The following SDK1 variants were observed in gnomAD, a reference collection of about 807,000 sequenced individuals.
The protein encoded by SDK1 is sidekick cell adhesion molecule 1, also known as protein sidekick-1.
In SDK1, 157 loss-of-function variants were observed where a neutral mutation model predicts 245.5. The ratio of observed to expected loss-of-function variants is 0.64; its 90% CI spans 0.56 to 0.73. SDK1 has a LOEUF of 0.73. Among genes scored for constraint, SDK1 ranks in the 30% least tolerant of loss-of-function variants. The pLI, the probability that SDK1 is intolerant of heterozygous loss-of-function variation, is 0.00. For missense variants in SDK1, 3,583 were observed against 3,002.3 expected (o/e 1.19, Z -4.52); for synonymous variants, 1,647 against 1,278.5 (o/e 1.29, Z -6.15).
Position 3,876,782 on chromosome 7 carries a change from C to G in SDK1, c.847+55199C>G, listed in dbSNP as rs1399876152. On this transcript the variant is annotated intron_variant, in intron 5 of 44. Transcript: ENST00000404826. ...GTGACCAGGCTTCCATGTGAAGTCT[C>G]TAGAGCTAAGGTAGGAGATACTAGT... Among the ~76,000 whole-genome samples, 2 of 152,130 alleles carry G rather than the reference C, an allele frequency of 1.3e-5. 1 individual carries two copies. The highest frequency in any genetic ancestry group is 4.1e-4 in the South Asian group (2 of 4,828).
chr7:4,217,727 T>C (rs1016340181), intron 38 of SDK1, among the ~76,000 whole-genome samples: 2 of 152,204 alleles, frequency 1.3e-5, no homozygotes, highest in Non-Finnish European at 2.9e-5. Flanking sequence ...AAAATGTTTT[T>C]AATGGTGGTG....
intron 5 of SDK1, among the ~76,000 whole-genome samples, chr7:3,909,522 C>A (rs1292199401): frequency 6.6e-6 from 1 of 152,194 alleles, no homozygotes; most frequent in East Asian, 1.9e-4. Flanking sequence ...TGATCCCTAC[C>A]TCTCCCAAAG....
chr7:3,387,212 C>T (rs1781632043), intron 1 of SDK1, among the ~76,000 whole-genome samples: 1 of 152,132 alleles, frequency 6.6e-6, no homozygotes, highest in South Asian at 2.1e-4. Flanking sequence ...TAGGGATTGC[C>T]TACTGAGGTT....
chr7:3,727,346 T>C (rs562465939), intron 4 of SDK1, among the ~76,000 whole-genome samples: 3 of 152,334 alleles, frequency 2.0e-5, no homozygotes, highest in South Asian at 4.1e-4. Context: ...TTTCATTCCA[T>C]TGCTCTGTAT....
At chr7:3,392,782 T>C (rs1035868485) in intron 1 of SDK1, among the ~76,000 whole-genome samples, 1 of 152,108 alleles carries the variant, frequency 6.6e-6, no homozygotes, top group Non-Finnish European at 1.5e-5. Flanking sequence ...TTATAGCATG[T>C]AACAGAACTT....
At chr7:3,803,326 T>G (rs949625844) in intron 4 of SDK1, among the ~76,000 whole-genome samples, 2 of 151,236 alleles carry the variant, frequency 1.3e-5, no homozygotes, top group African/African-American at 4.8e-5. Flanking sequence ...TTTTTTTTTT[T>G]TGGAAACAAA....
intron 44 of SDK1, among the ~76,000 whole-genome samples, chr7:4,255,283 A>G (rs1289803705): frequency 6.6e-6 from 1 of 152,216 alleles, no homozygotes; most frequent in Non-Finnish European, 1.5e-5. Flanking sequence ...TTCCAAATAA[A>G]GTCATTTTCC....
At chr7:3,761,632 C>G (rs913361312) in intron 4 of SDK1, among the ~76,000 whole-genome samples, 1 of 150,740 alleles carries the variant, frequency 6.6e-6, no homozygotes, top group African/African-American at 2.4e-5. Context: ...TAGGAAGAAG[C>G]AAAGGCAGAA....
chr7:3,309,542 T>TTTA (rs1554256117), intron 1 of SDK1, among the ~76,000 whole-genome samples: 3 of 148,656 alleles, frequency 2.0e-5, no homozygotes, highest in African/African-American at 4.9e-5. Context: ...TTTTTTTTTT[T>TTTA]ACATGAGTGT....
chr7:4,217,943 T>C (rs1363281636), intron 38 of SDK1, among the ~76,000 whole-genome samples: 1 of 152,152 alleles, frequency 6.6e-6, no homozygotes, highest in Non-Finnish European at 1.5e-5. Context: ...AAAAAGTTGC[T>C]CTCTAGAATC....
chr7:3,507,301 C>T (rs1488218642), intron 1 of SDK1, among the ~76,000 whole-genome samples: 1 of 152,170 alleles, frequency 6.6e-6, no homozygotes, highest in Non-Finnish European at 1.5e-5. Flanking sequence ...CCAAGGGGAC[C>T]TGTATGCGGA....
chr7:3,416,130 T>A (rs186901746), intron 1 of SDK1, among the ~76,000 whole-genome samples: 72 of 152,342 alleles, frequency 4.7e-4, no homozygotes, highest in Middle Eastern at 3.4e-3. Context: ...CTCAGTAGAT[T>A]TTATCTTCAT....
intron 1 of SDK1, among the ~76,000 whole-genome samples, chr7:3,456,189 A>T (rs4719943): frequency 6.6e-5 from 10 of 152,000 alleles, no homozygotes; most frequent in African/African-American, 1.4e-4. Context: ...TTGTCTTGCT[A>T]TGTTTTTCCT....
chr7:3,441,930 T>G (rs1780207358), intron 1 of SDK1, among the ~76,000 whole-genome samples: 1 of 152,146 alleles, frequency 6.6e-6, no homozygotes, highest in Non-Finnish European at 1.5e-5. Context: ...TTTGCCTGAG[T>G]GATTCTCCAC....
Position 4,110,708 on chromosome 7 carries a change from G to A in SDK1, c.3370G>A (p.Glu1124Lys), listed in dbSNP as rs748790800. 6.8e-6 allele frequency: 11 copies of A among 1,613,916 alleles called. No homozygotes were observed. The African/African-American group carries it at 9.3e-5, about 14-fold the overall frequency. The stretch of plus-strand genomic sequence containing the variant: ...GGAGGAGTGGGTCACCCTCTATGAA[G>A]AGGAGAATGAGCCTGATGCCCAGAT... ...DEEEWVTLYE[E>K]ENEPDAQMLE... Residue 1124 changes from glutamate to lysine, a missense_variant, in exon 23 of 45, where the codon GAG becomes AAG. Glu to Lys is a moderately conservative substitution (Grantham distance 56). Transcript: ENST00000404826.
chr7:3,887,320 CA>C (rs1044504959), intron 5 of SDK1, among the ~76,000 whole-genome samples: 34 of 151,508 alleles, frequency 2.2e-4, no homozygotes, highest in Admixed American at 2.0e-3. Flanking sequence ...TGTCATTAGC[CA>C]AAAAAAATGG....
intron 1 of SDK1, among the ~76,000 whole-genome samples, chr7:3,552,394 G>A (rs1248540455): frequency 6.6e-6 from 1 of 152,118 alleles, no homozygotes; most frequent in Non-Finnish European, 1.5e-5. Flanking sequence ...CTGTCCCCCA[G>A]TAGATGCTTG....
At chr7:4,116,994 G>A (rs1783758024) in intron 25 of SDK1, among the ~76,000 whole-genome samples, 1 of 152,122 alleles carries the variant, frequency 6.6e-6, no homozygotes, top group African/African-American at 2.4e-5. Flanking sequence ...GTGGTCACGT[G>A]GATTTCAAAA....
Position 3,347,350 on chromosome 7 carries a change from A to G in SDK1, c.298+45466A>G, listed in dbSNP as rs190498902. Among the ~76,000 whole-genome samples the G allele has an allele frequency of 9.9e-5, 15 of 152,260 alleles. No homozygotes were observed. The South Asian group carries it at 1.2e-3, about 13-fold the overall frequency. ...GAGTCTAATTTTGCATTATTAGTGT[A>G]TATATGATATGTTGGATACCAGTTG... On this transcript the variant is annotated intron_variant, in intron 1 of 44. Coordinates refer to ENST00000404826, the MANE Select transcript of SDK1 (RefSeq NM_152744.4).
Sources: allele counts gnomAD v4.1 joint callset (sites outside exome capture counted in the v4.1 genomes callset), GRCh38; gene constraint gnomAD v4.1.1; transcripts MANE v1.5; gene names NCBI Gene and HGNC (gene_info 2026-07-23, HGNC 2026-07-21).